Variants in CORIN observed in about 807,000 individuals in gnomAD.
CORIN encodes atrial natriuretic peptide-converting enzyme.
CORIN carries 117 observed loss-of-function variants against 125.3 expected under a neutral mutation model. The observed-to-expected ratio is 0.93, with a 90% CI of 0.80 to 1.09. The LOEUF (loss-of-function observed/expected upper bound fraction) is 1.09, where lower values mean the gene tolerates loss of function less well. Ranked by LOEUF, CORIN falls within the 50% of genes least tolerant of loss-of-function variation. The probability of loss-of-function intolerance (pLI) is 0.00; values close to 1 mark genes in which losing one functional copy is unlikely to be tolerated. For missense variants in CORIN, 1,253 were observed against 1,306.7 expected (o/e 0.96, Z 0.63); for synonymous variants, 450 against 466.4 (o/e 0.96, Z 0.45).
chr4:47,651,377 GA>G (rs928114735), intron 13 of CORIN, among the ~76,000 whole-genome samples: 14 of 152,228 alleles, frequency 9.2e-5, no homozygotes, highest in African/African-American at 3.4e-4. Flanking sequence ...ATGCACATAC[GA>G]AAACAGAAAG....
intron 4 of CORIN, among the ~76,000 whole-genome samples, chr4:47,745,322 T>C (rs1469109905): frequency 6.6e-6 from 1 of 152,190 alleles, no homozygotes. Flanking sequence ...ACCCAGGTAA[T>C]TGTTTCTACT....
At chr4:47,600,799 TTGA>T (rs1175437429) in intron 20 of CORIN, among the ~76,000 whole-genome samples, 3 of 152,228 alleles carry the variant, frequency 2.0e-5, no homozygotes, top group African/African-American at 7.2e-5. Context: ...TGTCCTATTC[TTGA>T]TGAAAAGAAT....
At chr4:47,616,405 C>G (rs560545987) in intron 19 of CORIN, among the ~76,000 whole-genome samples, 88 of 151,800 alleles carry the variant, frequency 5.8e-4, no homozygotes, top group African/African-American at 2.1e-3. Flanking sequence ...TACAAGAAAG[C>G]CAAGAATTTG....
chr4:47,597,683 G>A (rs1256590407), intron 21 of CORIN, among the ~76,000 whole-genome samples: 1 of 152,148 alleles, frequency 6.6e-6, no homozygotes, highest in Non-Finnish European at 1.5e-5. Flanking sequence ...TAAATAAGAT[G>A]CTCAGCTATT....
intron 4 of CORIN, among the ~76,000 whole-genome samples, chr4:47,747,268 A>G (rs1257822489): frequency 6.6e-6 from 1 of 152,226 alleles, no homozygotes; most frequent in East Asian, 1.9e-4. Context: ...ATAATGCATA[A>G]TAATAGATGA....
intron 3 of CORIN, among the ~76,000 whole-genome samples, chr4:47,768,490 C>T (rs1729869045): frequency 1.3e-5 from 2 of 152,154 alleles, no homozygotes; most frequent in African/African-American, 4.8e-5. Flanking sequence ...CCAGCATTGC[C>T]CTGATACCAA....
chr4:47,610,523 A>G (rs1407145257), intron 19 of CORIN, among the ~76,000 whole-genome samples: 2 of 152,044 alleles, frequency 1.3e-5, no homozygotes, highest in Non-Finnish European at 2.9e-5. Flanking sequence ...ATAAATTGCA[A>G]TTATTTTTCT....
chr4:47,728,483 C>T (rs544303922), intron 5 of CORIN, among the ~76,000 whole-genome samples: 1 of 152,202 alleles, frequency 6.6e-6, no homozygotes, highest in East Asian at 1.9e-4. Context: ...ATTAAATTGA[C>T]CATGATGGGG....
intron 5 of CORIN, among the ~76,000 whole-genome samples, chr4:47,717,474 T>C (rs1346656554): frequency 6.6e-6 from 1 of 152,170 alleles, no homozygotes; most frequent in East Asian, 1.9e-4. Context: ...TGATTCACCG[T>C]CCCCAATCCT....
chr4:47,739,580 T>C (rs561447969), intron 5 of CORIN, among the ~76,000 whole-genome samples: 9 of 152,098 alleles, frequency 5.9e-5, no homozygotes, highest in African/African-American at 1.9e-4. Flanking sequence ...AAGGACAGTA[T>C]ACAGCAACTT....
chr4:47,732,421 T>C lies in CORIN; in HGVS notation c.799+11981A>G, dbSNP rs115953777. Among the ~76,000 whole-genome samples the C allele has an allele frequency of 7.2e-3, 1,090 of 152,244 alleles. 10 individuals are homozygous for C. The highest frequency in any genetic ancestry group is 0.025 in the African/African-American group (1,032 of 41,528). On this transcript the variant is annotated intron_variant, in intron 5 of 21. Coordinates refer to ENST00000273857, the MANE Select transcript of CORIN (RefSeq NM_006587.4). ...ATGGGCTGTAACAGATACTGTCAGT[T>C]TCAAAGACTAAAGGAAGTGCATACC...
intron 19 of CORIN, 79 bp downstream of exon 19, chr4:47,623,492 G>C: frequency 4.1e-6 from 6 of 1,463,520 alleles, no homozygotes; most frequent in Non-Finnish European, 5.6e-6. Flanking sequence ...GCTTCATGGA[G>C]TTACATATGC....
chr4:47,678,595 A>G (rs925070592), intron 8 of CORIN, among the ~76,000 whole-genome samples: 1 of 152,254 alleles, frequency 6.6e-6, no homozygotes. Flanking sequence ...GAACTTGCAT[A>G]GTAACTAACA....
At chr4:47,825,515 A>G (rs1384260052) in intron 1 of CORIN, among the ~76,000 whole-genome samples, 1 of 152,196 alleles carries the variant, frequency 6.6e-6, no homozygotes, top group Non-Finnish European at 1.5e-5. Context: ...TTCTAGGATC[A>G]CTGGCCTAAT....
intron 1 of CORIN, among the ~76,000 whole-genome samples, chr4:47,836,576 T>C (rs1300627601): frequency 6.6e-6 from 1 of 152,212 alleles, no homozygotes; most frequent in Non-Finnish European, 1.5e-5. Context: ...ATCGAAGTCT[T>C]GTACAGGAGT....
intron 3 of CORIN, among the ~76,000 whole-genome samples, chr4:47,765,242 C>T (rs1038411755): frequency 1.3e-5 from 2 of 151,004 alleles, no homozygotes; most frequent in African/African-American, 4.9e-5. Flanking sequence ...ACCCGGGAGG[C>T]GGAGCTTGTA....
intron 3 of CORIN, among the ~76,000 whole-genome samples, chr4:47,784,915 ACTGT>A (rs934761386): frequency 9.8e-5 from 15 of 152,346 alleles, no homozygotes; most frequent in Admixed American, 7.8e-4. Context: ...TGGAATCCAA[ACTGT>A]CTGTCTCTTT....
At chr4:47,767,700 T>C (rs1196140226) in intron 3 of CORIN, among the ~76,000 whole-genome samples, 3 of 152,088 alleles carry the variant, frequency 2.0e-5, no homozygotes. Flanking sequence ...CATCCATAAA[T>C]GAGAATAGGA....
chr4:47,781,854 C>T (rs529323688), intron 3 of CORIN, among the ~76,000 whole-genome samples: 8 of 151,814 alleles, frequency 5.3e-5, no homozygotes, highest in Non-Finnish European at 8.8e-5. Context: ...AGGAGAATCG[C>T]GTGAACCTGG....
Sources: allele counts gnomAD v4.1 joint callset (sites outside exome capture counted in the v4.1 genomes callset), GRCh38; gene constraint gnomAD v4.1.1; transcripts MANE v1.5; gene names NCBI Gene and HGNC (gene_info 2026-07-23, HGNC 2026-07-21).